The following SHISA9 variants were observed in gnomAD, a reference collection of about 807,000 sequenced individuals.
SHISA9 encodes the protein protein shisa-9.
In SHISA9, 13 loss-of-function variants were observed where a neutral mutation model predicts 38.0. That is an observed-to-expected ratio of 0.34 (90% confidence interval 0.22 to 0.54). SHISA9 has a LOEUF of 0.54. SHISA9 is among the 20% of genes least tolerant of loss of function. The pLI, the probability that SHISA9 is intolerant of heterozygous loss-of-function variation, is 0.91. For synonymous variants in SHISA9, 275 were observed against 242.0 expected, an observed-to-expected ratio of 1.14 and a Z score of -1.27; for missense variants, 538 against 575.8, an observed-to-expected ratio of 0.93 and a Z score of 0.67.
At chr16:13,339,165 CT>C in the SHISA9 span, among the ~76,000 whole-genome samples, 107 of 132,816 alleles carry the variant, frequency 8.1e-4, 1 homozygote, top group African/African-American at 9.8e-4. Context: ...CTTATTGTGA[CT>C]TTTTTTTTTT....
In SHISA9 at chr16:13,208,672, T is replaced by G. The variant is rs574888060; in HGVS notation, c.848-4581T>G. Among the ~76,000 whole-genome samples the G allele has an allele frequency of 1.3e-3, 197 of 152,294 alleles. 1 individual carries two copies. Among genetic ancestry groups the G allele is most frequent in the African/African-American group, 4.6e-3 (191 of 41,566 alleles). On this transcript the variant is annotated intron_variant, in intron 3 of 4. Transcript: ENST00000558583. ...TAAAATATTAGCACACACTGGGGAA[T>G]TGTTAGTGGCTAAACCGTATAGGAC...
chr16:13,166,793 G>A (rs1046628121), intron 2 of SHISA9, among the ~76,000 whole-genome samples: 6 of 152,122 alleles, frequency 3.9e-5, no homozygotes, highest in Non-Finnish European at 7.3e-5. Flanking sequence ...GCCAGACCAT[G>A]GTGGCAGAAG....
At chr16:13,448,775 T>A in the SHISA9 span, among the ~76,000 whole-genome samples, 1 of 152,360 alleles carries the variant, frequency 6.6e-6, no homozygotes, top group African/African-American at 2.4e-5. Context: ...TTTTCTAAAC[T>A]TTCCTGGATA....
chr16:13,476,738 G>GGTTTTT, the SHISA9 span, among the ~76,000 whole-genome samples: 6 of 65,180 alleles, frequency 9.2e-5, no homozygotes, highest in African/African-American at 3.3e-4. Context: ...CCTGTTTTGT[G>GGTTTTT]TTTTTTTTTT....
chr16:13,310,987 T>G, the SHISA9 span, among the ~76,000 whole-genome samples: 1 of 152,098 alleles, frequency 6.6e-6, no homozygotes, highest in Non-Finnish European at 1.5e-5. Context: ...CGGCCTGATT[T>G]TATGCTTTAA....
At chr16:13,439,933 T>G in the SHISA9 span, among the ~76,000 whole-genome samples, 1 of 152,188 alleles carries the variant, frequency 6.6e-6, no homozygotes, top group Non-Finnish European at 1.5e-5. Flanking sequence ...ATCTCAGCGA[T>G]TTACCAGCAT....
At chr16:13,083,121 G>T (rs534508308) in intron 2 of SHISA9, among the ~76,000 whole-genome samples, 13 of 152,316 alleles carry the variant, frequency 8.5e-5, no homozygotes, top group African/African-American at 3.1e-4. Context: ...GCAGCCAACA[G>T]TGGGGTCACC....
chr16:12,921,323 G>A (rs530336020), intron 2 of SHISA9, among the ~76,000 whole-genome samples: 8 of 152,250 alleles, frequency 5.3e-5, no homozygotes, highest in Admixed American at 1.3e-4. Flanking sequence ...GTTCCCAAAC[G>A]GACTTACAAG....
chr16:12,969,672 G>T (rs749511283), intron 2 of SHISA9, among the ~76,000 whole-genome samples: 5 of 152,082 alleles, frequency 3.3e-5, no homozygotes, highest in African/African-American at 9.7e-5. Context: ...GCTTGAACCC[G>T]GGAGGCGGAG....
the SHISA9 span, among the ~76,000 whole-genome samples, chr16:13,430,165 C>G: frequency 6.6e-6 from 1 of 152,202 alleles, no homozygotes; most frequent in Admixed American, 6.5e-5. Context: ...CGTCTTGTCT[C>G]TAGAACGGTG....
chr16:13,328,808 T>C, the SHISA9 span, among the ~76,000 whole-genome samples: 1 of 152,156 alleles, frequency 6.6e-6, no homozygotes, highest in Non-Finnish European at 1.5e-5. Flanking sequence ...CCTACTGCAC[T>C]GGTGATATAG....
At chr16:13,213,442 G>C (rs2051139062) in intron 4 of SHISA9, 142 bp downstream of exon 4, 3 of 695,348 alleles carry the variant, frequency 4.3e-6, no homozygotes, top group Non-Finnish European at 7.4e-6. Context: ...GTCCGTCTAA[G>C]TTCCAGTGTG....
intron 2 of SHISA9, among the ~76,000 whole-genome samples, chr16:13,191,982 A>G (rs750906582): frequency 5.7e-4 from 87 of 152,332 alleles, no homozygotes; most frequent in Non-Finnish European, 1.1e-3. Context: ...TGATGTGCTC[A>G]TCAACAGTTG....
chr16:12,932,697 C>G (rs1325905195), intron 2 of SHISA9, among the ~76,000 whole-genome samples: 1 of 152,108 alleles, frequency 6.6e-6, no homozygotes, highest in Non-Finnish European at 1.5e-5. Context: ...AAGTATATAG[C>G]AGGGTCAGGG....
At chr16:13,105,577 G>A (rs1382575607) in intron 2 of SHISA9, among the ~76,000 whole-genome samples, 1 of 152,236 alleles carries the variant, frequency 6.6e-6, no homozygotes, top group Admixed American at 6.5e-5. Context: ...AGACTCCGGA[G>A]GAGGGAGGTC....
intron 2 of SHISA9, among the ~76,000 whole-genome samples, chr16:12,981,665 T>C (rs1346336271): frequency 6.6e-6 from 1 of 152,200 alleles, no homozygotes; most frequent in Non-Finnish European, 1.5e-5. Flanking sequence ...GAATTGTGTC[T>C]TCTTGCCCAC....
chr16:12,916,671 A>G lies in SHISA9; in HGVS notation c.564-17A>G. The G allele has an allele frequency of 6.5e-7, 1 of 1,546,586 alleles. No homozygotes were observed. Among genetic ancestry groups the G allele is most frequent in the African/African-American group, 1.4e-5 (1 of 72,766 alleles). ...TTGTGTTTTGAATGAACAGATTTAA[A>G]TTCTTTCTTCTTTCAGGGCCCTTGC... On this transcript the variant is annotated splice_polypyrimidine_tract_variant and intron_variant, in intron 1 of 4. Coordinates refer to ENST00000558583, the MANE Select transcript of SHISA9 (RefSeq NM_001145204.3).
chr16:13,172,930 A>C (rs1348040592), intron 2 of SHISA9, among the ~76,000 whole-genome samples: 1 of 152,040 alleles, frequency 6.6e-6, no homozygotes, highest in African/African-American at 2.4e-5. Context: ...TTACTTCCCG[A>C]TCTGTTCAAC....
chr16:13,336,106 C>G, the SHISA9 span, among the ~76,000 whole-genome samples: 2 of 152,180 alleles, frequency 1.3e-5, no homozygotes, highest in Non-Finnish European at 2.9e-5. Context: ...CCCGTGGTTT[C>G]CCGTCTCCCA....
Sources: allele counts gnomAD v4.1 joint callset (sites outside exome capture counted in the v4.1 genomes callset), GRCh38; gene constraint gnomAD v4.1.1; transcripts MANE v1.5; gene names NCBI Gene and HGNC (gene_info 2026-07-23, HGNC 2026-07-21).